Variants in EPHA3 observed in about 807,000 individuals in gnomAD.
The protein encoded by EPHA3 is EPH receptor A3.
EPHA3 carries 42 observed loss-of-function variants against 107.1 expected under a neutral mutation model. That is an observed-to-expected ratio of 0.39 (90% CI 0.31 to 0.51). The LOEUF (loss-of-function observed/expected upper bound fraction) is 0.51, where lower values mean the gene tolerates loss of function less well. Ranked by LOEUF, EPHA3 falls within the 20% of genes least tolerant of loss-of-function variation. The pLI is 0.78. For missense variants in EPHA3, 1,183 were observed against 1,211.2 expected, an observed-to-expected ratio of 0.98 and a Z score of 0.35; for synonymous variants, 461 against 424.8, an observed-to-expected ratio of 1.09 and a Z score of -1.05.
chr3:89,379,651 G>A (rs1032062087), intron 5 of EPHA3, among the ~76,000 whole-genome samples: 4 of 152,072 alleles, frequency 2.6e-5, no homozygotes, highest in Non-Finnish European at 4.4e-5. Flanking sequence ...TTAAGAGTAC[G>A]CCTATGTTAC....
chr3:89,250,476 T>A (rs1705135846), intron 3 of EPHA3, among the ~76,000 whole-genome samples: 1 of 152,216 alleles, frequency 6.6e-6, no homozygotes, highest in Admixed American at 6.5e-5. Flanking sequence ...AAATTAATCT[T>A]CCTAATTTGT....
At chr3:89,221,319 A>G (rs990321919) in intron 3 of EPHA3, among the ~76,000 whole-genome samples, 2 of 152,060 alleles carry the variant, frequency 1.3e-5, no homozygotes, top group Non-Finnish European at 2.9e-5. Context: ...TAAGCTATTC[A>G]CTTGTTTTTG....
At chr3:89,259,053 A>G (rs532645454) in intron 3 of EPHA3, among the ~76,000 whole-genome samples, 5 of 152,328 alleles carry the variant, frequency 3.3e-5, no homozygotes, top group Middle Eastern at 3.4e-3. Flanking sequence ...GGTTACATAT[A>G]TATTATCATT....
intron 2 of EPHA3, among the ~76,000 whole-genome samples, chr3:89,208,590 A>G (rs1706185379): frequency 9.0e-6 from 1 of 110,888 alleles, no homozygotes; most frequent in African/African-American, 2.7e-5. Context: ...GAAAGAAAGA[A>G]AGGGAAGGAA....
intron 15 of EPHA3, among the ~76,000 whole-genome samples, chr3:89,468,218 CTAGT>C (rs1559707004): frequency 6.6e-6 from 1 of 150,614 alleles, no homozygotes; most frequent in Non-Finnish European, 1.5e-5. Context: ...CTTTGCAGGG[CTAGT>C]TATTCTGAGG....
chr3:89,323,721 G>A (rs1284873740), intron 3 of EPHA3, among the ~76,000 whole-genome samples: 3 of 151,922 alleles, frequency 2.0e-5, no homozygotes, highest in East Asian at 1.9e-4. Context: ...ACAATGAATC[G>A]CTCAACTCAG....
chr3:89,191,154 A>G (rs1475687227), intron 2 of EPHA3, among the ~76,000 whole-genome samples: 1 of 152,162 alleles, frequency 6.6e-6, no homozygotes, highest in Non-Finnish European at 1.5e-5. Flanking sequence ...GAAGACAAAA[A>G]TGGATGAATA....
At chr3:89,134,862 T>C (rs796806606) in intron 2 of EPHA3, among the ~76,000 whole-genome samples, 1 of 152,198 alleles carries the variant, frequency 6.6e-6, no homozygotes, top group East Asian at 1.9e-4. Context: ...AATTTGCTTT[T>C]TGTCTAACAT....
intron 3 of EPHA3, among the ~76,000 whole-genome samples, chr3:89,217,865 T>C (rs948199024): frequency 1.9e-4 from 29 of 152,156 alleles, no homozygotes; most frequent in Non-Finnish European, 2.9e-5. Context: ...ACCAGGAACA[T>C]GTAAAGTTTT....
At chr3:89,326,325 G>T (rs939925429) in intron 3 of EPHA3, among the ~76,000 whole-genome samples, 2 of 152,104 alleles carry the variant, frequency 1.3e-5, no homozygotes, top group South Asian at 2.1e-4. Flanking sequence ...CTAATAAGTG[G>T]TTGTTATACT....
chr3:89,233,167 A>G (rs1576251420), intron 3 of EPHA3, among the ~76,000 whole-genome samples: 1 of 152,210 alleles, frequency 6.6e-6, no homozygotes, highest in Non-Finnish European at 1.5e-5. Flanking sequence ...TTTGAAATAT[A>G]TATATATACA....
chr3:89,172,264 A>G (rs574192882), intron 2 of EPHA3, among the ~76,000 whole-genome samples: 1 of 152,116 alleles, frequency 6.6e-6, no homozygotes, highest in Non-Finnish European at 1.5e-5. Context: ...CTTCATTCAC[A>G]TGTCAGGAGC....
intron 12 of EPHA3, among the ~76,000 whole-genome samples, chr3:89,430,022 C>G (rs1441387140): frequency 6.6e-6 from 1 of 152,110 alleles, no homozygotes; most frequent in Non-Finnish European, 1.5e-5. Context: ...CCTCAGCCTC[C>G]CAAATTGCTA....
chr3:89,234,043 A>G (rs1704696320), intron 3 of EPHA3, among the ~76,000 whole-genome samples: 2 of 152,218 alleles, frequency 1.3e-5, no homozygotes, highest in Non-Finnish European at 2.9e-5. Context: ...AAGTCTTCAT[A>G]GTTACACCTT....
intron 1 of EPHA3, among the ~76,000 whole-genome samples, chr3:89,124,881 C>A (rs190143185): frequency 6.6e-6 from 1 of 151,912 alleles, no homozygotes; most frequent in Admixed American, 6.5e-5. Context: ...ATCTTCTACA[C>A]TTACTTTAAT....
intron 2 of EPHA3, among the ~76,000 whole-genome samples, chr3:89,130,206 C>T (rs1704176199): frequency 6.6e-6 from 1 of 151,894 alleles, no homozygotes; most frequent in Non-Finnish European, 1.5e-5. Context: ...ATGGCAGCCC[C>T]TAAAAAGAAG....
intron 3 of EPHA3, among the ~76,000 whole-genome samples, chr3:89,243,564 T>A (rs1704960998): frequency 6.6e-6 from 1 of 152,190 alleles, no homozygotes; most frequent in Non-Finnish European, 1.5e-5. Flanking sequence ...TTTTGAGAAG[T>A]GTCTGTTCAT....
intron 10 of EPHA3, among the ~76,000 whole-genome samples, chr3:89,418,318 C>T (rs755222430): frequency 6.6e-6 from 1 of 151,270 alleles, no homozygotes; most frequent in Non-Finnish European, 1.5e-5. Flanking sequence ...TATAGAACTC[C>T]CATGTGGCAA....
intron 7 of EPHA3, among the ~76,000 whole-genome samples, chr3:89,406,196 A>G (rs1709051691): frequency 6.6e-6 from 1 of 152,158 alleles, no homozygotes; most frequent in Non-Finnish European, 1.5e-5. Flanking sequence ...GGAGAAGGTT[A>G]TTTTATATTT....
Sources: allele counts gnomAD v4.1 joint callset (sites outside exome capture counted in the v4.1 genomes callset), GRCh38; gene constraint gnomAD v4.1.1; transcripts MANE v1.5; gene names NCBI Gene and HGNC (gene_info 2026-07-23, HGNC 2026-07-21).